PRKG2: variants seen among roughly 807,000 people sequenced by gnomAD.
The protein encoded by PRKG2 is cGMP-dependent protein kinase 2.
In PRKG2, 33 loss-of-function variants were observed where a neutral mutation model predicts 97.2. The ratio of observed to expected loss-of-function variants is 0.34; its 90% CI spans 0.26 to 0.45. PRKG2 has a LOEUF of 0.45. Among genes scored for constraint, PRKG2 ranks in the 20% least tolerant of loss-of-function variants. PRKG2 has a pLI of 1.00. For synonymous variants in PRKG2, 330 were observed against 321.8 expected, an observed-to-expected ratio of 1.03 and a Z score of -0.27; for missense variants, 638 against 900.0, an observed-to-expected ratio of 0.71 and a Z score of 3.73.
intron 2 of PRKG2, among the ~76,000 whole-genome samples, chr4:81,179,921 T>A (rs1751260921): frequency 6.6e-6 from 1 of 151,922 alleles, no homozygotes; most frequent in Non-Finnish European, 1.5e-5. Context: ...GGCAAATGGA[T>A]CACCTGAGGT....
At chr4:81,205,157 C>G (rs1753578541) in intron 1 of PRKG2, 97 bp from the exon 2 acceptor site, 2 of 745,510 alleles carry the variant, frequency 2.7e-6, no homozygotes, top group Non-Finnish European at 4.2e-6. Flanking sequence ...TAAATAGGAA[C>G]ACAGTAATCT....
chr4:81,198,983 T>C (rs1435123568), intron 2 of PRKG2, among the ~76,000 whole-genome samples: 3 of 152,234 alleles, frequency 2.0e-5, no homozygotes, highest in African/African-American at 4.8e-5. Flanking sequence ...AACTGGATTA[T>C]TTTTCTTCTT....
chr4:81,127,774 A>G (rs1745749262), intron 14 of PRKG2, among the ~76,000 whole-genome samples: 1 of 152,206 alleles, frequency 6.6e-6, no homozygotes, highest in Admixed American at 6.5e-5. Context: ...TGTCATCTGC[A>G]AACAGAGACA....
intron 10 of PRKG2, among the ~76,000 whole-genome samples, chr4:81,143,514 T>C (rs545048567): frequency 1.3e-5 from 2 of 152,274 alleles, no homozygotes; most frequent in South Asian, 4.2e-4. Flanking sequence ...GTAATATCCA[T>C]TTTTTTCTCT....
intron 2 of PRKG2, among the ~76,000 whole-genome samples, chr4:81,190,168 C>T (rs893712992): frequency 6.6e-6 from 1 of 152,172 alleles, no homozygotes; most frequent in Non-Finnish European, 1.5e-5. Flanking sequence ...TGCTACCTGA[C>T]TTCAAACTAT....
intron 14 of PRKG2, among the ~76,000 whole-genome samples, chr4:81,132,793 T>C (rs1019315403): frequency 2.0e-5 from 3 of 152,218 alleles, no homozygotes; most frequent in Non-Finnish European, 4.4e-5. Flanking sequence ...TCCTTCCATA[T>C]CTGTTAGATC....
At chr4:81,138,748 T>C (rs1746966560) in intron 12 of PRKG2, among the ~76,000 whole-genome samples, 1 of 152,110 alleles carries the variant, frequency 6.6e-6, no homozygotes, top group South Asian at 2.1e-4. Context: ...TTGGAAAGAG[T>C]TGAAAATAAG....
At chr4:81,135,757 C>A (rs1449939037) in intron 13 of PRKG2, among the ~76,000 whole-genome samples, 2 of 151,800 alleles carry the variant, frequency 1.3e-5, no homozygotes, top group African/African-American at 4.8e-5. Context: ...AATCATAAGT[C>A]TTTTCTGTTT....
At chr4:81,167,842 A>G (rs17005071) in intron 5 of PRKG2, among the ~76,000 whole-genome samples, 16,588 of 152,070 alleles carry the variant, frequency 0.11, 1,105 homozygotes, top group Middle Eastern at 0.21. Flanking sequence ...AAACTTCAGA[A>G]CGCAGATACT....
At chr4:81,176,823 T>G (rs1750968866) in intron 2 of PRKG2, among the ~76,000 whole-genome samples, 1 of 152,278 alleles carries the variant, frequency 6.6e-6, no homozygotes, top group Admixed American at 6.5e-5. Flanking sequence ...TTCTTTTTGG[T>G]TTAACTTCAT....
intron 2 of PRKG2, among the ~76,000 whole-genome samples, chr4:81,194,022 CT>C (rs1442273140): frequency 6.6e-6 from 1 of 152,084 alleles, no homozygotes; most frequent in African/African-American, 2.4e-5. Flanking sequence ...TCTATTCCTC[CT>C]TAAAAACCCA....
rs1283535734 is a variant in PRKG2 at position 81,088,849 on chromosome 4, A to G, written c.*859T>C. On this transcript the variant is annotated 3_prime_UTR_variant, in exon 19 of 19. Transcript: ENST00000264399. ...AGTCAGCAGTCTTACCTACTAGAAT[A>G]TATTTTCCTTTCTATTTACTGGGAG... 6.6e-6 allele frequency: 1 copy of G among 152,190 alleles called. No individual in the cohort carries two copies. The highest frequency in any genetic ancestry group is 1.5e-5 in the Non-Finnish European group (1 of 68,030). The allele number at this position is 152,190 out of a possible 1,614,324, so 9.4% of individuals were successfully genotyped here.
chr4:81,169,479 T>C (rs1011339447), intron 5 of PRKG2, among the ~76,000 whole-genome samples, 184 bp downstream of exon 5: 3 of 152,186 alleles, frequency 2.0e-5, no homozygotes, highest in South Asian at 2.1e-4. Context: ...ACAAGGATAA[T>C]AGAAATTAAA....
chr4:81,205,191 T>C (rs1025348513), intron 1 of PRKG2, 131 bp from the exon 2 acceptor site: 27 of 586,068 alleles, frequency 4.6e-5, no homozygotes. Context: ...AGCAATAAAC[T>C]TCCCGAAGTT....
chr4:81,108,315 C>T (rs549886815), intron 15 of PRKG2, among the ~76,000 whole-genome samples: 73 of 152,120 alleles, frequency 4.8e-4, no homozygotes, highest in Non-Finnish European at 9.3e-4. Context: ...ATTAGTCACA[C>T]TGGAGACCTT....
intron 2 of PRKG2, among the ~76,000 whole-genome samples, chr4:81,178,968 T>C (rs1751165941): frequency 6.6e-6 from 1 of 151,572 alleles, no homozygotes; most frequent in Admixed American, 6.6e-5. Context: ...CTACTAAAAA[T>C]ACAAAAAATA....
At chr4:81,132,169 G>A (rs1425266353) in intron 14 of PRKG2, among the ~76,000 whole-genome samples, 1 of 151,712 alleles carries the variant, frequency 6.6e-6, no homozygotes, top group African/African-American at 2.4e-5. Flanking sequence ...AATTGTTAGT[G>A]TTATGAAGAT....
intron 9 of PRKG2, among the ~76,000 whole-genome samples, chr4:81,144,758 TC>T (rs957875113): frequency 1.9e-5 from 1 of 53,814 alleles, no homozygotes; most frequent in African/African-American, 7.6e-5. Flanking sequence ...CCCTCCCCCC[TC>T]CCCCCACCCC....
At chr4:81,105,108 T>A (rs1743198081) in intron 16 of PRKG2, among the ~76,000 whole-genome samples, 1 of 152,156 alleles carries the variant, frequency 6.6e-6, no homozygotes, top group African/African-American at 2.4e-5. Context: ...ATTGTGAAAA[T>A]TTATGTGGCA....
Sources: allele counts gnomAD v4.1 joint callset (sites outside exome capture counted in the v4.1 genomes callset), GRCh38; gene constraint gnomAD v4.1.1; transcripts MANE v1.5; gene names NCBI Gene and HGNC (gene_info 2026-07-23, HGNC 2026-07-21).